Variants in FAH observed in about 807,000 individuals in gnomAD.
FAH encodes the protein fumarylacetoacetase.
A neutral mutation model predicts 55.8 loss-of-function variants in FAH; 47 were observed. The observed-to-expected ratio is 0.84, with a 90% CI of 0.67 to 1.07. FAH has a LOEUF of 1.07. Among genes scored for constraint, FAH ranks in the 50% least tolerant of loss-of-function variants. The probability of loss-of-function intolerance (pLI) is 0.00; values close to 1 mark genes in which losing one functional copy is unlikely to be tolerated. For missense variants in FAH, 495 were observed against 545.9 expected, an observed-to-expected ratio of 0.91 and a Z score of 0.93; for synonymous variants, 199 against 207.7, an observed-to-expected ratio of 0.96 and a Z score of 0.36.
At chr15:80,152,930 G>C, upstream of FAH, 1 of 790,148 alleles carries the variant, frequency 1.3e-6, no homozygotes, top group Non-Finnish European at 2.1e-6. Context: ...GGTCCCTGCT[G>C]TGTCACCCGG....
Position 80,181,220 on chromosome 15 carries a change from T to G in FAH, c.1180+61T>G. On this transcript the variant is annotated intron_variant, in intron 13 of 13. Coordinates refer to ENST00000561421, the MANE Select transcript of FAH (RefSeq NM_000137.4). ...CTTGCCCGCCATGCACTGTTCTAGC[T>G]GCGGGGCGCTCCTACCTGGCCATGA... 8 of 1,200,162 alleles carry G rather than the reference T, an allele frequency of 6.7e-6. No individual in the cohort carries two copies. The South Asian group carries it at 8.5e-5, about 13-fold the overall frequency. The allele number at this position is 1,200,162 out of a possible 1,614,324, so 74.3% of individuals were successfully genotyped here. A position where few individuals can be genotyped will look rare whatever the true frequency, so the allele number is the denominator to read the frequency against.
chr15:80,172,541 C>T lies in FAH; in HGVS notation c.706+293C>T, dbSNP rs80297423. Among the ~76,000 whole-genome samples the T allele has an allele frequency of 9.0e-3, 1,377 of 152,284 alleles. 22 individuals carry two copies. Among genetic ancestry groups the T allele is most frequent in the African/African-American group, 0.031 (1,290 of 41,548 alleles). On this transcript the variant is annotated intron_variant, in intron 8 of 13. Transcript: ENST00000561421. ...TGCTTAACACCCTTCGTATATTCTC[C>T]CGCTGATCCCTACACGGTATGTGCA...
chr15:80,160,929 GC>G (rs2041143614), intron 4 of FAH, among the ~76,000 whole-genome samples: 1 of 152,206 alleles, frequency 6.6e-6, no homozygotes, highest in African/African-American at 2.4e-5. Context: ...TCAGCCTGCG[GC>G]CCAAAGCACA....
At chr15:80,176,994 T>C (rs537859819) in intron 10 of FAH, among the ~76,000 whole-genome samples, 2 of 152,334 alleles carry the variant, frequency 1.3e-5, no homozygotes, top group Admixed American at 1.3e-4. Context: ...GCAGAGGAGC[T>C]TTCTACTTAT....
At chr15:80,161,982 C>T (rs1452123171) in intron 4 of FAH, among the ~76,000 whole-genome samples, 1 of 152,210 alleles carries the variant, frequency 6.6e-6, no homozygotes. Context: ...GTGGTATCAG[C>T]CACTTGGTGT....
intron 10 of FAH, chr15:80,177,305 C>T: frequency 3.5e-6 from 2 of 571,684 alleles, no homozygotes. Flanking sequence ...GTGCTGTGAT[C>T]AATTAATGCT....
At chr15:80,184,653 G>A (rs1170794621) in intron 13 of FAH, among the ~76,000 whole-genome samples, 1 of 152,118 alleles carries the variant, frequency 6.6e-6, no homozygotes, top group Admixed American at 6.6e-5. Context: ...ATGAAAATGA[G>A]CAACAGAATA....
At position 80,186,326 on chromosome 15, in the gene FAH, T is replaced by C; in HGVS notation, c.*117T>C. 1.2e-6 allele frequency: 1 copy of C among 817,866 alleles called. No individual in the cohort carries two copies. The allele number at this position is 817,866 out of a possible 1,614,324, so 50.7% of individuals were successfully genotyped here. A position where few individuals can be genotyped will look rare whatever the true frequency, so the allele number is the denominator to read the frequency against. On this transcript the variant is annotated 3_prime_UTR_variant, in exon 14 of 14. Coordinates refer to ENST00000561421, the MANE Select transcript of FAH (RefSeq NM_000137.4). ...CATTCAGTGACAAATAAAGCCATTG[T>C]GCTCTGAGGCCTGCACTGCCGCAGA...
At chr15:80,166,741 A>G (rs1003193001) in intron 5 of FAH, among the ~76,000 whole-genome samples, 8 of 144,590 alleles carry the variant, frequency 5.5e-5, no homozygotes, top group Non-Finnish European at 1.0e-4. Flanking sequence ...GGTTCACGCC[A>G]TTCTCCTGCC....
intron 7 of FAH, among the ~76,000 whole-genome samples, chr15:80,170,032 A>G (rs773815375): frequency 6.6e-6 from 1 of 152,316 alleles, no homozygotes; most frequent in South Asian, 2.1e-4. Context: ...AGGATCCCTC[A>G]TGCTGCCCAT....
intron 10 of FAH, among the ~76,000 whole-genome samples, chr15:80,175,783 G>A (rs983487821): frequency 5.9e-5 from 9 of 152,238 alleles, no homozygotes; most frequent in Non-Finnish European, 1.2e-4. Context: ...TGTCATCTAT[G>A]AAATGGGATA....
intron 11 of FAH, 148 bp from the exon 12 acceptor site, chr15:80,179,976 G>C (rs1302851863): frequency 1.4e-6 from 1 of 691,600 alleles, no homozygotes; most frequent in Non-Finnish European, 2.6e-6. Flanking sequence ...CTTACTATAA[G>C]GGACTGGAGA....
chr15:80,180,755 G>T (rs1398642625), intron 12 of FAH, among the ~76,000 whole-genome samples: 1 of 152,166 alleles, frequency 6.6e-6, no homozygotes, highest in African/African-American at 2.4e-5. Context: ...CTCCAGAGCA[G>T]GGAGGGGATG....
chr15:80,186,145 A>G lies in FAH; in HGVS notation c.1196A>G (p.Asp399Gly). 6.2e-7 allele frequency: 1 copy of G among 1,613,746 alleles called. No homozygotes were observed. The highest frequency in any genetic ancestry group is 8.5e-7 in the Non-Finnish European group (1 of 1,179,778). Residue 399 changes from aspartate (D) to glycine (G), a missense_variant, in exon 14 of 14, where the codon GAT becomes GGT. Physicochemically the swap from Asp to Gly is moderately conservative, Grantham distance 94. Coordinates refer to ENST00000561421, the MANE Select transcript of FAH (RefSeq NM_000137.4). ...EVIITGYCQG[D>G]GYRIGFGQCA... ...TCTGTTCCAGGGTACTGCCAGGGGG[A>G]TGGTTACCGCATCGGCTTTGGCCAG...
intron 4 of FAH, 118 bp downstream of exon 4, chr15:80,160,577 G>A: frequency 2.1e-6 from 2 of 973,888 alleles, no homozygotes; most frequent in Non-Finnish European, 3.3e-6. Context: ...GGGAGATGGA[G>A]GAGGGGCTCT....
At chr15:80,160,006 C>G in intron 3 of FAH, 129 bp downstream of exon 3, 1 of 1,227,470 alleles carries the variant, frequency 8.1e-7, no homozygotes, top group East Asian at 2.6e-5. Flanking sequence ...CTGCCCTCAT[C>G]CAGCCCCTGC....
Position 80,157,985 on chromosome 15 carries a change from A to G in FAH, c.82-75A>G, listed in dbSNP as rs1045105530. On this transcript the variant is annotated intron_variant, in intron 1 of 13. Transcript: ENST00000561421. ...GGGGGACCTGTGGACTCTTCAATAG[A>G]TAGGCTTTCTGAGTAAATGAGCCAA... The G allele has an allele frequency of 4.6e-6, 5 of 1,093,694 alleles. No homozygotes were observed. The South Asian group carries it at 5.0e-5, about 11-fold the overall frequency. 67.7% of individuals were successfully genotyped at this position (1,093,694 alleles called of 1,614,324 possible).
At chr15:80,172,083 TC>T in intron 7 of FAH, 65 bp from the exon 8 acceptor site, 2 of 1,168,350 alleles carry the variant, frequency 1.7e-6, no homozygotes, top group Non-Finnish European at 2.6e-6. Context: ...ACCTTTGCTC[TC>T]TAGGTGACAA....
At position 80,172,246 on chromosome 15, in the gene FAH, G is replaced by A; in HGVS notation, c.704G>A (p.Ser235Asn). The change falls in exon 8 of 14, where the codon AGT (serine) becomes AAT (asparagine). Residue 235 changes from serine to asparagine, a missense_variant and splice_region_variant. Transcript: ENST00000561421. ...IFGMVLMNDW[S>N]ARDIQKWEYV... ...GGAATGGTCCTTATGAACGACTGGA[G>A]TGGTAATTACTGGAGCTCTGCTCCT... 6.2e-7 allele frequency: 1 copy of A among 1,607,888 alleles called. No individual in the cohort carries two copies. Among genetic ancestry groups the A allele is most frequent in the African/African-American group, 1.3e-5 (1 of 74,890 alleles).
Sources: allele counts gnomAD v4.1 joint callset (sites outside exome capture counted in the v4.1 genomes callset), GRCh38; gene constraint gnomAD v4.1.1; transcripts MANE v1.5; gene names NCBI Gene and HGNC (gene_info 2026-07-23, HGNC 2026-07-21).